The following PAWR variants were observed in gnomAD, a reference collection of about 807,000 sequenced individuals.
The protein encoded by PAWR is pro-apoptotic WT1 regulator.
A neutral mutation model predicts 32.0 loss-of-function variants in PAWR; 23 were observed. The observed-to-expected ratio is 0.72, with a 90% CI of 0.52 to 1.02. The LOEUF is 1.02. Ranked by LOEUF, PAWR falls within the 50% of genes least tolerant of loss-of-function variation. PAWR has a pLI of 0.00. For missense variants in PAWR, 457 were observed against 437.7 expected (o/e 1.04, Z -0.39); for synonymous variants, 226 against 187.1 (o/e 1.21, Z -1.70).
chr12:79,589,426 C>T lies in PAWR; in HGVS notation c.*3181G>A, dbSNP rs1461806085. 3.3e-5 allele frequency: 5 copies of T among 151,794 alleles called. No individual in the cohort carries two copies. The highest frequency in any genetic ancestry group is 7.4e-5 in the Non-Finnish European group (5 of 67,920). The allele number at this position is 151,794 out of a possible 1,614,324, so 9.4% of individuals were successfully genotyped here. A position where few individuals can be genotyped will look rare whatever the true frequency, so the allele number is the denominator to read the frequency against. On this transcript the variant is annotated 3_prime_UTR_variant, in exon 7 of 7. Coordinates refer to ENST00000328827, the MANE Select transcript of PAWR (RefSeq NM_002583.4). ...ACATGTAACCGAGGTAGGTTTTTCA[C>T]CTTAAGAATACATTGCTTCTACCAC...
At chr12:79,664,772 T>G (rs1419786361) in intron 2 of PAWR, among the ~76,000 whole-genome samples, 2 of 151,746 alleles carry the variant, frequency 1.3e-5, no homozygotes, top group Non-Finnish European at 2.9e-5. Context: ...GGACTACGGA[T>G]ATGCGTCATC....
chr12:79,627,513 G>C (rs1390698088), intron 2 of PAWR, among the ~76,000 whole-genome samples: 1 of 152,062 alleles, frequency 6.6e-6, no homozygotes, highest in Non-Finnish European at 1.5e-5. Context: ...TGAGTAGGTT[G>C]CAAAAATTTT....
In PAWR at chr12:79,690,071, C is replaced by G; in HGVS notation, c.174G>C (p.Leu58=). The change falls in exon 2 of 7, where the codon CTG becomes CTC. Residue 58 remains leucine, a synonymous_variant. Transcript: ENST00000328827. ...DAAGKPPAGA[L]GTPAAAAANE... ...TGGCAGCGGCGGCCGCCGGGGTGCC[C>G]AGAGCCCCCGCGGGGGGCTTCCCAG... The G allele has an allele frequency of 7.1e-7, 1 of 1,406,838 alleles. No individual in the cohort carries two copies. The highest frequency in any genetic ancestry group is 1.5e-5 in the South Asian group (1 of 65,196). The allele number at this position is 1,406,838 out of a possible 1,614,324, so 87.1% of individuals were successfully genotyped here.
chr12:79,656,669 A>G (rs1374121937), intron 2 of PAWR, among the ~76,000 whole-genome samples: 1 of 152,228 alleles, frequency 6.6e-6, no homozygotes, highest in African/African-American at 2.4e-5. Context: ...GGAAATATAG[A>G]TTAGTAAATT....
intron 2 of PAWR, among the ~76,000 whole-genome samples, chr12:79,674,043 G>GA (rs1204069430): frequency 2.0e-5 from 3 of 150,630 alleles, no homozygotes; most frequent in Admixed American, 6.6e-5. Flanking sequence ...TGCAGAATTA[G>GA]AAAAAAAAAT....
Position 79,639,567 on chromosome 12 carries a change from T to C in PAWR, c.517-18360A>G, listed in dbSNP as rs138636299. 4.1e-3 allele frequency among the ~76,000 whole-genome samples: 622 copies of C among 152,290 alleles called. 12 individuals carry two copies. Among genetic ancestry groups the C allele is most frequent in the African/African-American group, 0.014 (590 of 41,570 alleles). On this transcript the variant is annotated intron_variant, in intron 2 of 6. Coordinates refer to ENST00000328827, the MANE Select transcript of PAWR (RefSeq NM_002583.4). ...CTTCACACTCTTGTTTAAATTTCCT[T>C]GTCCCCTGGACTTCTATGCACATCC...
intron 2 of PAWR, among the ~76,000 whole-genome samples, chr12:79,650,468 C>A (rs1876788261): frequency 6.6e-6 from 1 of 152,034 alleles, no homozygotes; most frequent in African/African-American, 2.4e-5. Context: ...ATTCATATTC[C>A]ATATAAACAT....
At chr12:79,630,886 TAAG>T in intron 2 of PAWR, among the ~76,000 whole-genome samples, 1 of 149,448 alleles carries the variant, frequency 6.7e-6, no homozygotes, top group Middle Eastern at 3.5e-3. Flanking sequence ...TCTAAAATAA[TAAG>T]AACTACAGAC....
intron 2 of PAWR, among the ~76,000 whole-genome samples, chr12:79,641,112 T>C (rs901695848): frequency 2.6e-5 from 4 of 152,240 alleles, no homozygotes; most frequent in Non-Finnish European, 5.9e-5. Context: ...ATTCTATTTT[T>C]ACCTTGAATT....
rs187309428 is a variant in PAWR at position 79,684,026 on chromosome 12, G to A, written c.516+5703C>T. 2.6e-5 allele frequency among the ~76,000 whole-genome samples: 4 copies of A among 152,000 alleles called. No individual in the cohort carries two copies. In the East Asian group the frequency reaches 7.7e-4, roughly 29 times the overall value. On this transcript the variant is annotated intron_variant, in intron 2 of 6. Transcript: ENST00000328827. ...GGAAAGCTAAAATTTAGGGACCAGA[G>A]GTTCTAAGAACATAATGAAAAATAA...
chr12:79,623,856 T>A (rs891521037), intron 2 of PAWR, among the ~76,000 whole-genome samples: 6 of 152,236 alleles, frequency 3.9e-5, no homozygotes, highest in African/African-American at 1.4e-4. Context: ...AATGTTAAAA[T>A]GTATAAAACT....
intron 2 of PAWR, among the ~76,000 whole-genome samples, chr12:79,622,548 A>C (rs1313611270): frequency 6.6e-6 from 1 of 152,086 alleles, no homozygotes; most frequent in Non-Finnish European, 1.5e-5. Context: ...ACGAGTGAGA[A>C]TATGCAGTGA....
At position 79,687,734 on chromosome 12, in the gene PAWR, A is replaced by G. The variant is rs1217005665; in HGVS notation, c.516+1995T>C. ...ACAATTCTAAAAAAGCAACAATATA[A>G]ACACATGAAAATGGCTCAGCTTTAA... On this transcript the variant is annotated intron_variant, in intron 2 of 6. Coordinates refer to ENST00000328827, the MANE Select transcript of PAWR (RefSeq NM_002583.4). Among the ~76,000 whole-genome samples, 5 of 152,168 alleles carry G rather than the reference A, an allele frequency of 3.3e-5. No individual in the cohort carries two copies. In the East Asian group the frequency reaches 9.6e-4, roughly 29 times the overall value.
At chr12:79,626,395 G>C (rs1875320832) in intron 2 of PAWR, among the ~76,000 whole-genome samples, 1 of 148,780 alleles carries the variant, frequency 6.7e-6, no homozygotes, top group Non-Finnish European at 1.5e-5. Flanking sequence ...GAGTAGCTGG[G>C]ACTACAGGCG....
At chr12:79,655,416 T>G (rs529390908) in intron 2 of PAWR, among the ~76,000 whole-genome samples, 146 of 152,186 alleles carry the variant, frequency 9.6e-4, no homozygotes, top group Admixed American at 2.7e-3. Context: ...GACTTCAAAC[T>G]AAAACATAGG....
chr12:79,668,849 T>G (rs1201725621), intron 2 of PAWR, among the ~76,000 whole-genome samples: 1 of 152,142 alleles, frequency 6.6e-6, no homozygotes, highest in African/African-American at 2.4e-5. Context: ...GACCCCTGTA[T>G]AGAGAATACA....
chr12:79,674,470 G>A (rs1878062923), intron 2 of PAWR, among the ~76,000 whole-genome samples: 2 of 151,466 alleles, frequency 1.3e-5, no homozygotes, highest in South Asian at 4.2e-4. Flanking sequence ...GAAAACCTAG[G>A]AAATATCATC....
Position 79,690,279 on chromosome 12 carries a change from G to A in PAWR, c.-35C>T, listed in dbSNP as rs1363219423. The A allele has an allele frequency of 6.9e-7, 1 of 1,444,210 alleles. No individual in the cohort carries two copies. The highest frequency in any genetic ancestry group is 9.1e-7 in the Non-Finnish European group (1 of 1,101,100). The allele number at this position is 1,444,210 out of a possible 1,614,324, so 89.5% of individuals were successfully genotyped here. A position where few individuals can be genotyped will look rare whatever the true frequency, so the allele number is the denominator to read the frequency against. On this transcript the variant is annotated 5_prime_UTR_variant, in exon 2 of 7. Transcript: ENST00000328827. ...GGGGCCGGTCGGGCTCTCACCTCAG[G>A]CCGCCCACCAGGGCTCCGGCCGCTG...
At chr12:79,607,990 A>C (rs61927414) in intron 4 of PAWR, among the ~76,000 whole-genome samples, 1,658 of 151,712 alleles carry the variant, frequency 0.011, 11 homozygotes, top group Non-Finnish European at 0.015. Context: ...CGGAGGTTGC[A>C]GTGAGCCAAG....
Sources: allele counts gnomAD v4.1 joint callset (sites outside exome capture counted in the v4.1 genomes callset), GRCh38; gene constraint gnomAD v4.1.1; transcripts MANE v1.5; gene names NCBI Gene and HGNC (gene_info 2026-07-23, HGNC 2026-07-21).